The following ZNF248 variants were observed in gnomAD, a reference collection of about 807,000 sequenced individuals.
ZNF248 encodes KRAB protein domain.
A neutral mutation model predicts 44.3 loss-of-function variants in ZNF248; 20 were observed. The observed-to-expected ratio is 0.45, with a 90% CI of 0.32 to 0.66. ZNF248 has a LOEUF of 0.66. Among genes scored for constraint, ZNF248 ranks in the 30% least tolerant of loss-of-function variants. The probability of loss-of-function intolerance (pLI) is 0.04; values close to 1 mark genes in which losing one functional copy is unlikely to be tolerated. For synonymous variants in ZNF248, 224 were observed against 229.0 expected (o/e 0.98, Z 0.20); for missense variants, 654 against 677.0 (o/e 0.97, Z 0.38).
chr10:37,855,971 T>C (rs1484608625), intron 3 of ZNF248, among the ~76,000 whole-genome samples: 3 of 152,238 alleles, frequency 2.0e-5, no homozygotes, highest in Non-Finnish European at 4.4e-5. Flanking sequence ...TTTGTTCTCC[T>C]GAAAAGCATA....
At chr10:37,819,134 C>T (rs2053052899) in intron 6 of ZNF248, 1 of 789,278 alleles carries the variant, frequency 1.3e-6, no homozygotes, top group African/African-American at 1.7e-5. Context: ...AAGAATATTC[C>T]CTGGTTTGAG....
chr10:37,843,220 A>G (rs927190438), intron 3 of ZNF248, among the ~76,000 whole-genome samples: 2 of 152,114 alleles, frequency 1.3e-5, no homozygotes, highest in Non-Finnish European at 1.5e-5. Flanking sequence ...AGAGGTCAAG[A>G]CCATTCTGGC....
chr10:37,839,392 C>G (rs2057883048), intron 3 of ZNF248, among the ~76,000 whole-genome samples: 1 of 151,986 alleles, frequency 6.6e-6, no homozygotes, highest in Non-Finnish European at 1.5e-5. Context: ...ACTGACACAC[C>G]TAGCACCCTA....
intron 6 of ZNF248, among the ~76,000 whole-genome samples, chr10:37,785,212 G>GT (rs1374547586): frequency 6.6e-6 from 1 of 152,170 alleles, no homozygotes; most frequent in Admixed American, 6.5e-5. Context: ...AAATAGACCA[G>GT]TAACAGCACA....
At chr10:37,826,820 T>C (rs1303314133), downstream of ZNF248, among the ~76,000 whole-genome samples, 3 of 152,170 alleles carry the variant, frequency 2.0e-5, no homozygotes, top group African/African-American at 7.2e-5. Context: ...ATTCTAGCAT[T>C]TGATTAATAT....
At chr10:37,824,204 G>T (rs567769450), downstream of ZNF248, among the ~76,000 whole-genome samples, 66 of 152,256 alleles carry the variant, frequency 4.3e-4, no homozygotes, top group African/African-American at 1.5e-3. Context: ...GGAAAAAGCT[G>T]ATATCCAGTT....
At chr10:37,780,740 A>AC (rs1231125700) in intron 6 of ZNF248, among the ~76,000 whole-genome samples, 6 of 151,490 alleles carry the variant, frequency 4.0e-5, no homozygotes, top group Non-Finnish European at 7.4e-5. Flanking sequence ...ATCCCCGGCC[A>AC]CCCTCCGACT....
At chr10:37,770,175 T>G in the ZNF248 span, among the ~76,000 whole-genome samples, 3 of 152,156 alleles carry the variant, frequency 2.0e-5, no homozygotes, top group East Asian at 1.9e-4. Flanking sequence ...GAAGAATCAA[T>G]ATTGTGAAAA....
intron 6 of ZNF248, among the ~76,000 whole-genome samples, chr10:37,777,360 A>G (rs995022692): frequency 1.3e-5 from 2 of 152,170 alleles, no homozygotes; most frequent in African/African-American, 2.4e-5. Context: ...CCACCAACGG[A>G]TAATTCTTTC....
At chr10:37,820,290 G>C (rs2133606188) in intron 6 of ZNF248, 2 of 1,384,948 alleles carry the variant, frequency 1.4e-6, no homozygotes, top group Non-Finnish European at 2.1e-6. Context: ...AGATCTCATA[G>C]ATGAGGGACT....
the ZNF248 span, among the ~76,000 whole-genome samples, chr10:37,762,430 C>A: frequency 2.6e-5 from 4 of 152,138 alleles, no homozygotes; most frequent in Non-Finnish European, 5.9e-5. Context: ...ATGTAACAGA[C>A]CTGGGATTTG....
At position 37,829,653 on chromosome 10, in the gene ZNF248, T is replaced by TAA. The variant is rs2055090825; in HGVS notation, c.*1961_*1962insTT. ...GCAACGTCACCTCTGAGCTGGCTTT[T>TAA]CCCACCTTGTGCACTGTTATCTTCA... On this transcript the variant is annotated 3_prime_UTR_variant, in exon 6 of 6. Transcript: ENST00000395867. The TAA allele has an allele frequency of 1.0e-6, 1 of 985,254 alleles. No individual in the cohort carries two copies. Among genetic ancestry groups the TAA allele is most frequent in the African/African-American group, 1.7e-5 (1 of 57,212 alleles). 61.0% of individuals were successfully genotyped at this position (985,254 alleles called of 1,614,324 possible). A position where few individuals can be genotyped will look rare whatever the true frequency, so the allele number is the denominator to read the frequency against.
the ZNF248 span, among the ~76,000 whole-genome samples, chr10:37,769,535 C>T: frequency 6.6e-6 from 1 of 152,110 alleles, no homozygotes; most frequent in Non-Finnish European, 1.5e-5. Flanking sequence ...ATGATTATCT[C>T]AATAGATGCA....
At chr10:37,858,064 A>C (rs886826387), upstream of ZNF248, 6 of 152,302 alleles carry the variant, frequency 3.9e-5, no homozygotes, top group Non-Finnish European at 8.8e-5. Flanking sequence ...ACTGGAGTCC[A>C]GGGAAGGACT....
the ZNF248 span, among the ~76,000 whole-genome samples, chr10:37,761,770 T>A: frequency 6.6e-6 from 1 of 152,228 alleles, no homozygotes; most frequent in African/African-American, 2.4e-5. Flanking sequence ...TTCAAAAAGG[T>A]TGCCTGAGTT....
intron 3 of ZNF248, among the ~76,000 whole-genome samples, chr10:37,853,655 C>T (rs575063371): frequency 1.3e-5 from 2 of 152,202 alleles, no homozygotes; most frequent in South Asian, 2.1e-4. Flanking sequence ...GCTGGGATTA[C>T]AGGCAGGAGC....
intron 5 of ZNF248, among the ~76,000 whole-genome samples, chr10:37,835,026 T>A (rs928388358): frequency 4.0e-5 from 6 of 150,876 alleles, no homozygotes; most frequent in Non-Finnish European, 8.9e-5. Context: ...GGTTTAAAAC[T>A]AAAAAAAGAA....
At chr10:37,773,766 G>A (rs770548051), downstream of ZNF248, among the ~76,000 whole-genome samples, 1 of 152,130 alleles carries the variant, frequency 6.6e-6, no homozygotes, top group Non-Finnish European at 1.5e-5. Context: ...CTGGATCACA[G>A]CCCATGCTAA....
chr10:37,837,963 T>C (rs369798940), intron 4 of ZNF248, 22 bp downstream of exon 4: 3 of 1,610,504 alleles, frequency 1.9e-6, no homozygotes, highest in Admixed American at 1.7e-5. Context: ...TTGATAGCCA[T>C]GTGCGGAAAA....
Sources: allele counts gnomAD v4.1 joint callset (sites outside exome capture counted in the v4.1 genomes callset), GRCh38; gene constraint gnomAD v4.1.1; transcripts MANE v1.5; gene names NCBI Gene and HGNC (gene_info 2026-07-23, HGNC 2026-07-21).